SEMA3A: variants seen among roughly 807,000 people sequenced by gnomAD.
SEMA3A encodes semaphorin-3A.
In SEMA3A, 29 loss-of-function variants were observed where a neutral mutation model predicts 97.9. That is an observed-to-expected ratio of 0.30 (90% CI 0.22 to 0.40). The LOEUF (loss-of-function observed/expected upper bound fraction) is 0.40. Among genes scored for constraint, SEMA3A ranks in the 10% least tolerant of loss-of-function variants. The pLI is 1.00. For synonymous variants in SEMA3A, 321 were observed against 323.7 expected, an observed-to-expected ratio of 0.99 and a Z score of 0.09; for missense variants, 763 against 951.3, an observed-to-expected ratio of 0.80 and a Z score of 2.60.
At chr7:84,373,730 C>A (rs1431097237) in intron 1 of SEMA3A, among the ~76,000 whole-genome samples, 1 of 152,078 alleles carries the variant, frequency 6.6e-6, no homozygotes, top group Non-Finnish European at 1.5e-5. Flanking sequence ...CTAAGATTTT[C>A]TGAGCTTCAG....
At chr7:84,268,249 A>ATGTGTGTGTGTGTG (rs66460940) in intron 3 of SEMA3A, among the ~76,000 whole-genome samples, 9 of 131,036 alleles carry the variant, frequency 6.9e-5, no homozygotes, top group Non-Finnish European at 8.3e-5. Flanking sequence ...AGACATAAGC[A>ATGTGTGTGTGTGTG]TGTGTGTGTG....
chr7:84,228,642 C>T (rs1252943875), intron 3 of SEMA3A, among the ~76,000 whole-genome samples: 1 of 151,992 alleles, frequency 6.6e-6, no homozygotes. Flanking sequence ...CTGATGTTTT[C>T]TGGGTTCTAT....
intron 4 of SEMA3A, among the ~76,000 whole-genome samples, chr7:84,071,727 A>C (rs1793747511): frequency 6.6e-6 from 1 of 152,110 alleles, no homozygotes; most frequent in African/African-American, 2.4e-5. Context: ...CAAACTTGAT[A>C]TTCGGTGATG....
intron 2 of SEMA3A, among the ~76,000 whole-genome samples, chr7:84,340,576 C>T (rs1318576817): frequency 6.6e-6 from 1 of 151,818 alleles, no homozygotes; most frequent in African/African-American, 2.4e-5. Flanking sequence ...GTCAGGAGTT[C>T]GAGACCAGCC....
At chr7:84,359,977 C>A (rs9800964) in intron 2 of SEMA3A, among the ~76,000 whole-genome samples, 1 of 145,218 alleles carries the variant, frequency 6.9e-6, no homozygotes, top group South Asian at 2.2e-4. Flanking sequence ...GTGGGATCGG[C>A]GGTGATATCC....
chr7:84,429,313 C>A (rs368976747), intron 1 of SEMA3A, among the ~76,000 whole-genome samples: 2 of 151,184 alleles, frequency 1.3e-5, no homozygotes, highest in African/African-American at 4.9e-5. Flanking sequence ...TGAACTAGTA[C>A]GACATCTCCA....
At chr7:84,046,000 T>C (rs1336701253) in intron 6 of SEMA3A, among the ~76,000 whole-genome samples, 1 of 151,882 alleles carries the variant, frequency 6.6e-6, no homozygotes, top group African/African-American at 2.4e-5. Flanking sequence ...GTAAGATTTG[T>C]TGTGGTGTCC....
intron 1 of SEMA3A, among the ~76,000 whole-genome samples, chr7:84,162,189 T>A (rs570345344): frequency 6.6e-6 from 1 of 152,336 alleles, no homozygotes; most frequent in South Asian, 2.1e-4. Context: ...TGTTTGGAAT[T>A]TGTTCCAAAA....
intron 6 of SEMA3A, among the ~76,000 whole-genome samples, chr7:84,020,685 A>AC (rs1260285748): frequency 2.0e-5 from 3 of 152,004 alleles, no homozygotes; most frequent in African/African-American, 7.2e-5. Context: ...CTCTTGCAGG[A>AC]CTTCTTTTTC....
chr7:83,980,623 A>AAAAAAAAAAAAAATATATAT (rs1310318006), intron 14 of SEMA3A, among the ~76,000 whole-genome samples: 6 of 71,750 alleles, frequency 8.4e-5, no homozygotes, highest in Non-Finnish European at 9.7e-5. Context: ...AAAAAAAAAA[A>AAAAAAAAAAAAAATATATAT]ATATATATAT....
chr7:83,994,173 C>T (rs926692258), intron 12 of SEMA3A, among the ~76,000 whole-genome samples: 3 of 134,644 alleles, frequency 2.2e-5, no homozygotes, highest in African/African-American at 5.6e-5. Context: ...CCATCAGCTC[C>T]TTTAAGCACT....
chr7:84,384,419 G>A (rs1344882571), intron 1 of SEMA3A, among the ~76,000 whole-genome samples: 1 of 152,080 alleles, frequency 6.6e-6, no homozygotes, highest in Non-Finnish European at 1.5e-5. Flanking sequence ...TTTTCATTCT[G>A]ACAGAAAGCA....
At chr7:84,251,144 A>T (rs767193889) in intron 3 of SEMA3A, among the ~76,000 whole-genome samples, 1 of 152,220 alleles carries the variant, frequency 6.6e-6, no homozygotes, top group Non-Finnish European at 1.5e-5. Flanking sequence ...AAATTTCAAC[A>T]TATCTATGGT....
chr7:84,377,166 T>C (rs2116124277), intron 1 of SEMA3A, among the ~76,000 whole-genome samples: 1 of 152,324 alleles, frequency 6.6e-6, no homozygotes, highest in East Asian at 1.9e-4. Context: ...TATATTTAAG[T>C]CTTTAATTCA....
intron 3 of SEMA3A, among the ~76,000 whole-genome samples, chr7:84,295,514 A>G (rs539021883): frequency 6.6e-6 from 1 of 152,206 alleles, no homozygotes; most frequent in South Asian, 2.1e-4. Flanking sequence ...TTAGGTTTCC[A>G]TAACTAGGCT....
intron 3 of SEMA3A, among the ~76,000 whole-genome samples, chr7:84,239,080 T>A (rs1799301216): frequency 6.6e-6 from 1 of 152,134 alleles, no homozygotes; most frequent in Non-Finnish European, 1.5e-5. Context: ...AGACCAAAAA[T>A]AATTATATCA....
Position 84,060,469 on chromosome 7 carries a change from T to G in SEMA3A, c.543A>C (p.Leu181Phe). Residue 181 changes from leucine (L) to phenylalanine (F), a missense_variant, in exon 5 of 17, where the codon TTA (leucine) becomes TTC (phenylalanine). Physicochemically the swap from Leu to Phe is conservative, Grantham distance 22. Transcript: ENST00000265362. ...AATTGATTGTTGACTACGCACCTAT[T>G]AAAAGGGATGCTGTCAGCAGCTTAG... ...YDPKLLTASL[L>F]IDGELYSGTA... 1 of 1,580,552 alleles carries G rather than the reference T, an allele frequency of 6.3e-7. No homozygotes were observed. The highest frequency in any genetic ancestry group is 8.6e-7 in the Non-Finnish European group (1 of 1,167,104).
chr7:84,173,508 G>A lies in SEMA3A; in HGVS notation c.112+20967C>T, dbSNP rs370523330. Among the ~76,000 whole-genome samples the A allele has an allele frequency of 3.6e-3, 506 of 139,936 alleles. 3 individuals are homozygous for A. Among genetic ancestry groups the A allele is most frequent in the African/African-American group, 0.013 (478 of 36,162 alleles). 91.8% of individuals were successfully genotyped at this position (139,936 alleles called of 152,430 possible). On this transcript the variant is annotated intron_variant, in intron 1 of 16. Coordinates refer to ENST00000265362, the MANE Select transcript of SEMA3A (RefSeq NM_006080.3). ...CGGGAGGCGGAGGTTGCGGTGAGCC[G>A]AGATCACGCCACTGCACTCCAGCCT...
chr7:83,968,623 T>A (rs1788800580), intron 15 of SEMA3A, among the ~76,000 whole-genome samples: 1 of 152,134 alleles, frequency 6.6e-6, no homozygotes, highest in African/African-American at 2.4e-5. Context: ...CATGTCTGTC[T>A]TTGTTCTCTC....
Sources: gnomAD v4.1 joint callset for allele counts (sites outside exome capture counted in the v4.1 genomes callset) on GRCh38, gnomAD v4.1.1 for gene constraint, MANE v1.5 for transcripts, NCBI Gene and HGNC (gene_info 2026-07-23, HGNC 2026-07-21) for gene names.